The following KCTD5 variants were observed in gnomAD, a reference collection of about 807,000 sequenced individuals.
The protein encoded by KCTD5 is BTB/POZ domain-containing protein KCTD5.
KCTD5 carries 12 observed loss-of-function variants against 27.9 expected under a neutral mutation model. The observed-to-expected ratio is 0.43, with a 90% CI of 0.28 to 0.70. The LOEUF is 0.70. KCTD5 is among the 30% of genes least tolerant of loss of function. KCTD5 has a pLI of 0.19. For synonymous variants in KCTD5, 147 were observed against 121.4 expected (o/e 1.21, Z -1.39); for missense variants, 226 against 274.8 (o/e 0.82, Z 1.26).
In KCTD5 at chr16:2,686,959, T is replaced by C. The variant is rs143915922; in HGVS notation, c.252+4159T>C. Among the ~76,000 whole-genome samples the C allele has an allele frequency of 6.0e-3, 921 of 152,288 alleles. 3 individuals carry two copies. Among genetic ancestry groups the C allele is most frequent in the Middle Eastern group, 0.017 (5 of 294 alleles). On this transcript the variant is annotated intron_variant, in intron 1 of 5. Coordinates refer to ENST00000301738, the MANE Select transcript of KCTD5 (RefSeq NM_018992.4). ...CTCAGTTTGAGGCCGTTAGTGGGTG[T>C]CTGCGACGCTGATGGACTTTGTTTC...
At chr16:2,692,611 T>A (rs555733827) in intron 1 of KCTD5, among the ~76,000 whole-genome samples, 1 of 152,236 alleles carries the variant, frequency 6.6e-6, no homozygotes, top group African/African-American at 2.4e-5. Flanking sequence ...AATTGGTTCA[T>A]GGGCAGGCCC....
Position 2,692,673 on chromosome 16 carries a change from C to T in KCTD5, c.253-3262C>T, listed in dbSNP as rs1282132079. Among the ~76,000 whole-genome samples, 5 of 152,236 alleles carry T rather than the reference C, an allele frequency of 3.3e-5. No individual in the cohort carries two copies. In the East Asian group the frequency reaches 5.8e-4, roughly 18 times the overall value. On this transcript the variant is annotated intron_variant, in intron 1 of 5. Coordinates refer to ENST00000301738, the MANE Select transcript of KCTD5 (RefSeq NM_018992.4). ...TGGTCCCCGGGACTGGCAGCCCGGC[C>T]CCAGCCTTCATGCCCTCCCTGGCCT...
At chr16:2,701,913 G>A (rs888093250) in intron 4 of KCTD5, among the ~76,000 whole-genome samples, 7 of 152,134 alleles carry the variant, frequency 4.6e-5, no homozygotes, top group African/African-American at 1.2e-4. Flanking sequence ...CAGCAGACCC[G>A]CCCTGGCCGA....
At chr16:2,701,222 C>G (rs1254982563) in intron 4 of KCTD5, among the ~76,000 whole-genome samples, 4 of 152,250 alleles carry the variant, frequency 2.6e-5, no homozygotes, top group Non-Finnish European at 5.9e-5. Context: ...GATTCCAAAC[C>G]CATTGCAAAG....
Position 2,682,685 on chromosome 16 carries a change from T to A in KCTD5, c.137T>A (p.Val46Asp). The change falls in exon 1 of 6, where the codon GTC becomes GAC. Residue 46 changes from valine to aspartate, a missense_variant. By Grantham distance (152) the Val-to-Asp change is radical. Coordinates refer to ENST00000301738, the MANE Select transcript of KCTD5 (RefSeq NM_018992.4). ...AQRPGSVSKWVRLNVGGTYFL... is the reference protein window; with the variant it reads ...AQRPGSVSKWDRLNVGGTYFL... ...CGCCCTGGCAGCGTGTCCAAGTGGG[T>A]CCGACTCAACGTCGGCGGCACCTAC... 1 of 1,608,938 alleles carries A rather than the reference T, an allele frequency of 6.2e-7. No individual in the cohort carries two copies. Among genetic ancestry groups the A allele is most frequent in the East Asian group, 2.3e-5 (1 of 44,276 alleles).
intron 1 of KCTD5, among the ~76,000 whole-genome samples, chr16:2,693,141 C>T (rs1259869452): frequency 2.0e-5 from 3 of 152,220 alleles, no homozygotes; most frequent in Non-Finnish European, 4.4e-5. Context: ...TCTCACTACC[C>T]ACCCCAGGCC....
chr16:2,700,185 G>A (rs900249252), intron 4 of KCTD5, among the ~76,000 whole-genome samples: 5 of 152,134 alleles, frequency 3.3e-5, no homozygotes, highest in African/African-American at 4.8e-5. Flanking sequence ...CGCTTTCTTC[G>A]CATCATCTGG....
chr16:2,693,119 C>T (rs538210416), intron 1 of KCTD5, among the ~76,000 whole-genome samples: 4 of 152,358 alleles, frequency 2.6e-5, no homozygotes, highest in Non-Finnish European at 4.4e-5. Flanking sequence ...GGGTCCTCAC[C>T]GCTGGTGCCA....
At chr16:2,700,025 T>TG (rs2142057641) in intron 4 of KCTD5, 109 bp downstream of exon 4, 1 of 1,008,690 alleles carries the variant, frequency 9.9e-7, no homozygotes, top group South Asian at 1.4e-5. Context: ...GCTGGCGTCT[T>TG]CCTGCAGTTC....
At chr16:2,702,005 G>A (rs936646185) in intron 4 of KCTD5, among the ~76,000 whole-genome samples, 2 of 152,160 alleles carry the variant, frequency 1.3e-5, no homozygotes, top group East Asian at 1.9e-4. Context: ...TTTCAGAGCC[G>A]CCCTCCACTC....
chr16:2,696,776 G>A (rs147336406), intron 2 of KCTD5, among the ~76,000 whole-genome samples: 1,982 of 152,356 alleles, frequency 0.013, 37 homozygotes, highest in African/African-American at 0.045. Context: ...CCGAGTTCAC[G>A]CGGGGCGTGG....
chr16:2,706,131 G>A (rs542971908), intron 5 of KCTD5, among the ~76,000 whole-genome samples: 1 of 152,294 alleles, frequency 6.6e-6, no homozygotes, highest in African/African-American at 2.4e-5. Context: ...TGGGAGCCTC[G>A]AGCTAGAAGT....
chr16:2,688,400 G>A (rs1472351588), intron 1 of KCTD5, among the ~76,000 whole-genome samples: 1 of 151,838 alleles, frequency 6.6e-6, no homozygotes, highest in South Asian at 2.1e-4. Context: ...ACAGGCACGA[G>A]CCACCATGTC....
intron 3 of KCTD5, among the ~76,000 whole-genome samples, chr16:2,699,004 A>G (rs2067599182): frequency 6.6e-6 from 1 of 152,166 alleles, no homozygotes. Context: ...ACACAGTAGC[A>G]TCTCACTGTC....
intron 5 of KCTD5, among the ~76,000 whole-genome samples, chr16:2,704,112 G>A (rs1028309809): frequency 2.6e-5 from 4 of 152,244 alleles, no homozygotes; most frequent in African/African-American, 9.6e-5. Context: ...AAATCCCTTT[G>A]TGGTTGAGAA....
chr16:2,700,563 C>T (rs2067607038), intron 4 of KCTD5, among the ~76,000 whole-genome samples: 1 of 152,174 alleles, frequency 6.6e-6, no homozygotes, highest in Non-Finnish European at 1.5e-5. Context: ...TTGCCCACGA[C>T]CTGGCTGCCA....
intron 1 of KCTD5, among the ~76,000 whole-genome samples, chr16:2,688,536 T>C (rs1321808587): frequency 6.6e-6 from 1 of 151,312 alleles, no homozygotes; most frequent in African/African-American, 2.4e-5. Flanking sequence ...CAGGTGTGAG[T>C]GTACTTTACT....
Position 2,685,451 on chromosome 16 carries a change from G to T in KCTD5, c.252+2651G>T, listed in dbSNP as rs1216598813. Among the ~76,000 whole-genome samples, 15 of 151,066 alleles carry T rather than the reference G, an allele frequency of 9.9e-5. No homozygotes were observed. In the East Asian group the frequency reaches 2.9e-3, roughly 29 times the overall value. ...CAAAAAAAAAGAAAAAAGAAAAGGAGAAAACAATAATTGGAGTAAATAAGG... is the reference window on the plus strand; with the variant it reads ...CAAAAAAAAAGAAAAAAGAAAAGGATAAAACAATAATTGGAGTAAATAAGG... On this transcript the variant is annotated intron_variant, in intron 1 of 5. Transcript: ENST00000301738.
At chr16:2,705,224 C>T (rs900812672) in intron 5 of KCTD5, among the ~76,000 whole-genome samples, 1 of 152,176 alleles carries the variant, frequency 6.6e-6, no homozygotes, top group African/African-American at 2.4e-5. Flanking sequence ...GACCCCATGG[C>T]CCCAGCTGAC....
Sources: allele counts gnomAD v4.1 joint callset (sites outside exome capture counted in the v4.1 genomes callset), GRCh38; gene constraint gnomAD v4.1.1; transcripts MANE v1.5; gene names NCBI Gene and HGNC (gene_info 2026-07-23, HGNC 2026-07-21).